Variants in STX8 observed in about 807,000 individuals in gnomAD.
STX8 encodes syntaxin-8.
STX8 carries 23 observed loss-of-function variants against 37.5 expected under a neutral mutation model. That is an observed-to-expected ratio of 0.61 (90% CI 0.44 to 0.87). The LOEUF (loss-of-function observed/expected upper bound fraction) is 0.87, where lower values mean the gene tolerates loss of function less well. Ranked by LOEUF, STX8 falls within the 40% of genes least tolerant of loss-of-function variation. STX8 has a pLI of 0.00. For synonymous variants in STX8, 115 were observed against 99.1 expected (o/e 1.16, Z -0.95); for missense variants, 313 against 284.7 (o/e 1.10, Z -0.71).
At chr17:9,250,854 C>T (rs1462305362) in intron 7 of STX8, among the ~76,000 whole-genome samples, 1 of 151,860 alleles carries the variant, frequency 6.6e-6, no homozygotes. Flanking sequence ...AGGCAGGGGC[C>T]TGGGTGTGGC....
At chr17:9,369,184 G>T (rs1182786032) in intron 7 of STX8, among the ~76,000 whole-genome samples, 1 of 152,196 alleles carries the variant, frequency 6.6e-6, no homozygotes, top group Non-Finnish European at 1.5e-5. Context: ...ACAGATGAAT[G>T]GGAAAACTTG....
At chr17:9,452,148 T>C (rs1256259859) in intron 6 of STX8, 1 of 152,024 alleles carries the variant, frequency 6.6e-6, no homozygotes, top group East Asian at 1.9e-4. Context: ...AGTAACTTCT[T>C]TGACTTTTTT....
intron 7 of STX8, among the ~76,000 whole-genome samples, chr17:9,335,828 CGT>C (rs764632718): frequency 1.5e-5 from 1 of 66,976 alleles, no homozygotes; most frequent in African/African-American, 4.2e-5. Flanking sequence ...CACACACACA[CGT>C]AGACACACAC....
At chr17:9,461,852 G>A (rs994394630) in intron 6 of STX8, among the ~76,000 whole-genome samples, 1 of 152,074 alleles carries the variant, frequency 6.6e-6, no homozygotes, top group Non-Finnish European at 1.5e-5. Context: ...CCCATCTGGG[G>A]GTGATGGGAG....
chr17:9,378,428 A>T (rs1911674810), intron 7 of STX8, 124 bp downstream of exon 7: 1 of 782,058 alleles, frequency 1.3e-6, no homozygotes, highest in Admixed American at 2.3e-5. Flanking sequence ...TGCTTCATCA[A>T]ATGGAACTGC....
intron 6 of STX8, among the ~76,000 whole-genome samples, chr17:9,464,198 G>A (rs1370346304): frequency 1.3e-5 from 2 of 152,218 alleles, no homozygotes; most frequent in Non-Finnish European, 2.9e-5. Flanking sequence ...AGCTGAAAGA[G>A]GCAATTATTG....
At chr17:9,329,950 C>T (rs1412491707) in intron 7 of STX8, among the ~76,000 whole-genome samples, 1 of 152,160 alleles carries the variant, frequency 6.6e-6, no homozygotes, top group Admixed American at 6.5e-5. Flanking sequence ...CCGAAGCGTG[C>T]TGATCCTGAG....
intron 6 of STX8, among the ~76,000 whole-genome samples, chr17:9,450,443 G>T (rs183317453): frequency 1.3e-5 from 2 of 151,914 alleles, no homozygotes; most frequent in Admixed American, 1.3e-4. Context: ...ATGCTGTAAT[G>T]ATAGACATTC....
At chr17:9,376,581 T>C (rs906667982) in intron 7 of STX8, among the ~76,000 whole-genome samples, 1 of 152,220 alleles carries the variant, frequency 6.6e-6, no homozygotes, top group Non-Finnish European at 1.5e-5. Flanking sequence ...CCTTACATGC[T>C]GTGGAAGCTT....
intron 7 of STX8, among the ~76,000 whole-genome samples, chr17:9,312,545 CA>C (rs1333541818): frequency 6.6e-6 from 1 of 152,140 alleles, no homozygotes; most frequent in Non-Finnish European, 1.5e-5. Flanking sequence ...AGTAAATGCA[CA>C]GGTTAAAAGA....
intron 6 of STX8, among the ~76,000 whole-genome samples, chr17:9,471,073 C>T (rs1233356373): frequency 1.2e-5 from 1 of 81,636 alleles, no homozygotes; most frequent in Non-Finnish European, 2.5e-5. Context: ...CTTACTCTGT[C>T]ACCTAGGCTG....
At chr17:9,483,663 C>T (rs1447997281) in intron 6 of STX8, among the ~76,000 whole-genome samples, 4 of 152,124 alleles carry the variant, frequency 2.6e-5, no homozygotes, top group Non-Finnish European at 4.4e-5. Flanking sequence ...GGCGCAGAGT[C>T]GTATTTTATC....
At chr17:9,465,418 T>C (rs1030668869) in intron 6 of STX8, among the ~76,000 whole-genome samples, 3 of 152,190 alleles carry the variant, frequency 2.0e-5, no homozygotes, top group Admixed American at 2.0e-4. Context: ...CCTGAACATA[T>C]GGAGCAATCT....
intron 4 of STX8, among the ~76,000 whole-genome samples, chr17:9,540,466 A>C (rs1906235269): frequency 6.6e-6 from 1 of 152,154 alleles, no homozygotes; most frequent in South Asian, 2.1e-4. Flanking sequence ...GTTGGGTCTA[A>C]AGCAATCCTA....
In STX8 at chr17:9,424,316, T is replaced by C. The variant is rs1913547220; in HGVS notation, c.542-45663A>G. On this transcript the variant is annotated intron_variant, in intron 6 of 7. Transcript: ENST00000306357. ...TGGGGCCTAAGGTTCTGCTTGGTTT[T>C]GGGTCCCTGCAAGATTGGGGCCCTG... is the stretch of plus-strand genomic sequence containing the variant. Among the ~76,000 whole-genome samples, 3 of 151,930 alleles carry C rather than the reference T, an allele frequency of 2.0e-5. No individual in the cohort carries two copies. The South Asian group carries it at 6.2e-4, about 32-fold the overall frequency.
At chr17:9,450,774 C>T (rs962537027) in intron 6 of STX8, among the ~76,000 whole-genome samples, 2 of 152,014 alleles carry the variant, frequency 1.3e-5, no homozygotes, top group South Asian at 2.1e-4. Flanking sequence ...CCCATTCACA[C>T]AGCAGTATTT....
intron 6 of STX8, among the ~76,000 whole-genome samples, chr17:9,445,493 G>A (rs1000437477): frequency 2.4e-5 from 3 of 124,696 alleles, no homozygotes; most frequent in South Asian, 3.3e-4. Flanking sequence ...TGGCCGGGGA[G>A]GGGGGGATGG....
chr17:9,345,692 CT>C (rs56831788), intron 7 of STX8, among the ~76,000 whole-genome samples: 1,401 of 139,774 alleles, frequency 0.01, 22 homozygotes, highest in African/African-American at 0.032. Flanking sequence ...ATCTCACATA[CT>C]TTTTTTTTTT....
At chr17:9,369,389 A>T (rs1911332528) in intron 7 of STX8, among the ~76,000 whole-genome samples, 2 of 152,244 alleles carry the variant, frequency 1.3e-5, no homozygotes, top group Non-Finnish European at 2.9e-5. Context: ...CAATAGCCAG[A>T]TAGAAATATT....
Sources: gnomAD v4.1 joint callset for allele counts (sites outside exome capture counted in the v4.1 genomes callset) on GRCh38, gnomAD v4.1.1 for gene constraint, MANE v1.5 for transcripts, NCBI Gene and HGNC (gene_info 2026-07-23, HGNC 2026-07-21) for gene names.